The following TNFSF4 variants were observed in gnomAD, a reference collection of about 807,000 sequenced individuals.
TNFSF4 encodes the protein TNF superfamily member 4.
TNFSF4 carries 4 observed loss-of-function variants against 7.3 expected under a neutral mutation model. The observed-to-expected ratio is 0.55, with a 90% confidence interval of 0.27 to 1.25. The LOEUF (loss-of-function observed/expected upper bound fraction) is 1.25. Among genes scored for constraint, TNFSF4 ranks in the 50% most tolerant of loss-of-function variants. The pLI is 0.12. For missense variants in TNFSF4, 181 were observed against 208.8 expected (o/e 0.87, Z 0.82); for synonymous variants, 76 against 83.7 (o/e 0.91, Z 0.50).
intron 1 of TNFSF4, among the ~76,000 whole-genome samples, chr1:173,192,034 A>T (rs1649507641): frequency 6.6e-6 from 1 of 152,152 alleles, no homozygotes; most frequent in South Asian, 2.1e-4. Context: ...AAAATTAGCA[A>T]GGCGTGGTGG....
At chr1:173,269,796 A>T in the TNFSF4 span, among the ~76,000 whole-genome samples, 1 of 152,190 alleles carries the variant, frequency 6.6e-6, no homozygotes, top group East Asian at 1.9e-4. Flanking sequence ...GAAACTACAG[A>T]AAGTTTAGAT....
At chr1:173,239,898 A>T in the TNFSF4 span, among the ~76,000 whole-genome samples, 1 of 152,078 alleles carries the variant, frequency 6.6e-6, no homozygotes, top group Non-Finnish European at 1.5e-5. Flanking sequence ...CAGGTTTGGT[A>T]GCAAATACCT....
chr1:173,232,999 GAGA>G, the TNFSF4 span, among the ~76,000 whole-genome samples: 2 of 152,210 alleles, frequency 1.3e-5, no homozygotes, highest in Non-Finnish European at 2.9e-5. Context: ...GACGAGTTGA[GAGA>G]AGAAGGCTTC....
the TNFSF4 span, among the ~76,000 whole-genome samples, chr1:173,380,245 G>A: frequency 6.6e-6 from 1 of 152,132 alleles, no homozygotes; most frequent in East Asian, 1.9e-4. Flanking sequence ...ACCCTTATTA[G>A]GGAGGGACAT....
At chr1:173,397,363 C>A in the TNFSF4 span, among the ~76,000 whole-genome samples, 3 of 152,276 alleles carry the variant, frequency 2.0e-5, no homozygotes, top group East Asian at 1.9e-4. Context: ...CCAAAGGGAC[C>A]TTTGACCTTT....
the TNFSF4 span, among the ~76,000 whole-genome samples, chr1:173,432,291 T>G: frequency 2.6e-5 from 4 of 152,320 alleles, no homozygotes; most frequent in Middle Eastern, 6.8e-3. Context: ...TGTTATGAAA[T>G]GAATTGTGTA....
chr1:173,322,244 T>A, the TNFSF4 span, among the ~76,000 whole-genome samples: 1 of 152,108 alleles, frequency 6.6e-6, no homozygotes, highest in African/African-American at 2.4e-5. Context: ...ATATTCTCAC[T>A]CATAAGTGGG....
the TNFSF4 span, among the ~76,000 whole-genome samples, chr1:173,423,492 G>A: frequency 2.6e-5 from 4 of 152,146 alleles, no homozygotes; most frequent in Non-Finnish European, 5.9e-5. Context: ...GACTGGTGAT[G>A]ATGATCAGGT....
the TNFSF4 span, among the ~76,000 whole-genome samples, chr1:173,252,733 G>A: frequency 2.4e-3 from 372 of 152,294 alleles, 2 homozygotes; most frequent in African/African-American, 8.4e-3. Flanking sequence ...CAGACATCAG[G>A]GGGAGCACTG....
chr1:173,355,070 T>C, the TNFSF4 span, among the ~76,000 whole-genome samples: 1 of 152,192 alleles, frequency 6.6e-6, no homozygotes, highest in East Asian at 1.9e-4. Context: ...TCCCAGTCTT[T>C]TCCAGCTTCT....
the TNFSF4 span, among the ~76,000 whole-genome samples, chr1:173,287,464 T>TTG: frequency 1.3e-5 from 2 of 152,212 alleles, no homozygotes; most frequent in Admixed American, 1.3e-4. Context: ...TCTCATACAG[T>TTG]AATGATATAA....
intron 1 of TNFSF4, among the ~76,000 whole-genome samples, chr1:173,189,577 T>C (rs1052166317): frequency 9.9e-5 from 15 of 152,150 alleles, no homozygotes; most frequent in African/African-American, 2.9e-4. Context: ...GATAAAACTT[T>C]TACAGTACTT....
At chr1:173,356,595 C>A in the TNFSF4 span, among the ~76,000 whole-genome samples, 1 of 152,200 alleles carries the variant, frequency 6.6e-6, no homozygotes, top group Non-Finnish European at 1.5e-5. Flanking sequence ...TTGCATTATA[C>A]TCCTTCCAGT....
intron 1 of TNFSF4, among the ~76,000 whole-genome samples, chr1:173,191,316 C>A (rs552383559): frequency 1.3e-5 from 2 of 152,312 alleles, no homozygotes; most frequent in Non-Finnish European, 1.5e-5. Context: ...CTCAGGTATC[C>A]TGTTCCTTCT....
At chr1:173,200,179 C>T (rs1393735280) in intron 1 of TNFSF4, among the ~76,000 whole-genome samples, 1 of 152,214 alleles carries the variant, frequency 6.6e-6, no homozygotes, top group Non-Finnish European at 1.5e-5. Context: ...AAAGCTCAGA[C>T]TCGTGGCCTC....
chr1:173,178,499 G>A, the TNFSF4 span, among the ~76,000 whole-genome samples: 9 of 152,102 alleles, frequency 5.9e-5, no homozygotes, highest in Non-Finnish European at 1.3e-4. Context: ...GCGGGAACCC[G>A]GGAAGCAGAG....
chr1:173,372,427 C>T, the TNFSF4 span, among the ~76,000 whole-genome samples: 1 of 152,176 alleles, frequency 6.6e-6, no homozygotes, highest in Non-Finnish European at 1.5e-5. Flanking sequence ...AGCCTTCCCA[C>T]AGGACAAAAC....
intron 1 of TNFSF4, among the ~76,000 whole-genome samples, chr1:173,193,068 TATC>T (rs1391165367): frequency 6.6e-6 from 1 of 152,090 alleles, no homozygotes; most frequent in African/African-American, 2.4e-5. Flanking sequence ...CTAACAAAGT[TATC>T]ATATCAGTGC....
the TNFSF4 span, among the ~76,000 whole-genome samples, chr1:173,315,197 C>G: frequency 1.3e-5 from 2 of 152,004 alleles, no homozygotes; most frequent in Non-Finnish European, 1.5e-5. Flanking sequence ...AAAATTCTGG[C>G]CAGCCTGAGT....
Sources: allele counts gnomAD v4.1 joint callset (sites outside exome capture counted in the v4.1 genomes callset), GRCh38; gene constraint gnomAD v4.1.1; transcripts MANE v1.5; gene names NCBI Gene and HGNC (gene_info 2026-07-23, HGNC 2026-07-21).